The following CASD1 variants were observed in gnomAD, a reference collection of about 807,000 sequenced individuals.
CASD1 encodes N-acetylneuraminate (7)9-O-acetyltransferase.
A neutral mutation model predicts 100.0 loss-of-function variants in CASD1; 41 were observed. The observed-to-expected ratio is 0.41, with a 90% CI of 0.32 to 0.53. The LOEUF is 0.53. Among genes scored for constraint, CASD1 ranks in the 20% least tolerant of loss-of-function variants. CASD1 has a pLI of 0.25. For synonymous variants in CASD1, 321 were observed against 315.6 expected (o/e 1.02, Z -0.18); for missense variants, 774 against 948.7 (o/e 0.82, Z 2.42).
the CASD1 span, among the ~76,000 whole-genome samples, chr7:94,606,029 A>G: frequency 1.3e-5 from 2 of 151,946 alleles, no homozygotes; most frequent in Non-Finnish European, 2.9e-5. Context: ...GGTTTTCACC[A>G]TGTTGGCTAG....
At chr7:94,578,160 T>G in the CASD1 span, among the ~76,000 whole-genome samples, 1 of 152,188 alleles carries the variant, frequency 6.6e-6, no homozygotes, top group Admixed American at 6.5e-5. Context: ...ATGCTGACAA[T>G]TTTTACCAGT....
chr7:94,530,117 A>G (rs1463623799), intron 5 of CASD1, among the ~76,000 whole-genome samples: 3 of 152,190 alleles, frequency 2.0e-5, no homozygotes, highest in African/African-American at 4.8e-5. Context: ...CTAAAATAGG[A>G]AATGTAAAGG....
the CASD1 span, among the ~76,000 whole-genome samples, chr7:94,562,020 C>T: frequency 6.6e-6 from 1 of 152,142 alleles, no homozygotes; most frequent in Non-Finnish European, 1.5e-5. Flanking sequence ...TGAAACTCAT[C>T]ATTGTGTCAA....
chr7:94,510,275 CTGGAGGCCG>C, intron 1 of CASD1, 58 bp downstream of exon 1: 5 of 1,275,698 alleles, frequency 3.9e-6, no homozygotes, highest in Non-Finnish European at 4.1e-6. Context: ...GACGCGGCGG[CTGGAGGCCG>C]CCCCCATCGC....
At chr7:94,535,637 TGTA>T (rs1795081258) in intron 8 of CASD1, 114 bp downstream of exon 8, 1 of 720,282 alleles carries the variant, frequency 1.4e-6, no homozygotes, top group Non-Finnish European at 2.3e-6. Context: ...CTTAGTAACT[TGTA>T]GTTATTGTGT....
the CASD1 span, among the ~76,000 whole-genome samples, chr7:94,570,853 A>G: frequency 6.6e-6 from 1 of 152,148 alleles, no homozygotes; most frequent in Non-Finnish European, 1.5e-5. Context: ...CAAAATTACA[A>G]TAGTATCAGC....
chr7:94,587,240 T>G, the CASD1 span: 3 of 985,918 alleles, frequency 3.0e-6, no homozygotes, highest in Non-Finnish European at 3.6e-6. Context: ...CAAGAGTACT[T>G]GCTAAAAAAT....
At chr7:94,527,349 T>C (rs1794627622) in intron 4 of CASD1, 143 bp downstream of exon 4, 1 of 613,502 alleles carries the variant, frequency 1.6e-6, no homozygotes. Context: ...GTGTGAGTTA[T>C]TTTATGTAAT....
At chr7:94,622,656 A>G in the CASD1 span, 1 of 151,898 alleles carries the variant, frequency 6.6e-6, no homozygotes, top group South Asian at 2.1e-4. Context: ...AAAATTAACT[A>G]CAAAGTATTT....
At chr7:94,628,141 C>T in the CASD1 span, 1 of 1,195,112 alleles carries the variant, frequency 8.4e-7, no homozygotes. Flanking sequence ...TTACAATACA[C>T]ACACACACAC....
intron 8 of CASD1, 87 bp from the exon 9 acceptor site, chr7:94,537,384 TA>T: frequency 8.2e-7 from 1 of 1,226,136 alleles, no homozygotes; most frequent in Non-Finnish European, 1.1e-6. Flanking sequence ...GTTTCAGTGC[TA>T]AAAACTCAGT....
At chr7:94,563,287 C>T in the CASD1 span, among the ~76,000 whole-genome samples, 3 of 152,080 alleles carry the variant, frequency 2.0e-5, no homozygotes, top group East Asian at 1.9e-4. Flanking sequence ...ATTAAAGAGG[C>T]GTCTTCCATG....
the CASD1 span, chr7:94,603,504 A>G: frequency 6.5e-7 from 1 of 1,539,304 alleles, no homozygotes; most frequent in South Asian, 1.1e-5. Flanking sequence ...TGAAAACACT[A>G]AAAAACAATC....
chr7:94,599,038 T>C, the CASD1 span: 5 of 1,067,670 alleles, frequency 4.7e-6, no homozygotes, highest in African/African-American at 8.0e-5. Flanking sequence ...TTTGAAAAAC[T>C]TATGAAGTAT....
At chr7:94,566,848 G>A in the CASD1 span, among the ~76,000 whole-genome samples, 1 of 152,252 alleles carries the variant, frequency 6.6e-6, no homozygotes, top group African/African-American at 2.4e-5. Context: ...AGCAAATTCA[G>A]TTTCTTCCTG....
At chr7:94,541,548 TTTTTTTTTTTTTTTTTTTTG>T (rs1562944808) in intron 10 of CASD1, among the ~76,000 whole-genome samples, 2 of 137,104 alleles carry the variant, frequency 1.5e-5, no homozygotes, top group African/African-American at 5.4e-5. Flanking sequence ...TTTTTTTTTT[TTTTTTTTTTTTTTTTTTTTG>T]CCCTTGGAGA....
At chr7:94,559,129 T>C (rs1010974720), downstream of CASD1, among the ~76,000 whole-genome samples, 3 of 152,060 alleles carry the variant, frequency 2.0e-5, no homozygotes, top group African/African-American at 7.2e-5. Flanking sequence ...CTTACAAAAA[T>C]TTAATGGCAC....
At chr7:94,597,304 C>G in the CASD1 span, 12 of 152,138 alleles carry the variant, frequency 7.9e-5, no homozygotes, top group Admixed American at 7.9e-4. Context: ...CTGTATGACC[C>G]TAAGTGATGT....
chr7:94,609,208 A>G, the CASD1 span, among the ~76,000 whole-genome samples: 1 of 152,356 alleles, frequency 6.6e-6, no homozygotes. Flanking sequence ...CACTTAAAAC[A>G]TAAAACAACA....
Sources: gnomAD v4.1 joint callset for allele counts (sites outside exome capture counted in the v4.1 genomes callset) on GRCh38, gnomAD v4.1.1 for gene constraint, MANE v1.5 for transcripts, NCBI Gene and HGNC (gene_info 2026-07-23, HGNC 2026-07-21) for gene names.